Variants in FAM168B observed in about 807,000 individuals in gnomAD.
FAM168B encodes the protein family with sequence similarity 168 member B.
Under a neutral mutation model 21.8 loss-of-function variants are expected in FAM168B, and 19 were observed. That is an observed-to-expected ratio of 0.87 (90% CI 0.61 to 1.28). The LOEUF is 1.28. FAM168B is among the 50% of genes most tolerant of loss of function. The probability of loss-of-function intolerance (pLI) is 0.00; values close to 1 mark genes in which losing one functional copy is unlikely to be tolerated. For missense variants in FAM168B, 233 were observed against 263.1 expected, an observed-to-expected ratio of 0.89 and a Z score of 0.79; for synonymous variants, 126 against 104.8, an observed-to-expected ratio of 1.20 and a Z score of -1.24.
At chr2:131,068,293 G>A (rs964035802) in intron 3 of FAM168B, among the ~76,000 whole-genome samples, 3 of 152,120 alleles carry the variant, frequency 2.0e-5, no homozygotes, top group Admixed American at 6.5e-5. Context: ...TGAACAGCTG[G>A]GACTACAAGT....
Position 131,052,040 on chromosome 2 carries a change from ATACAT to A in FAM168B, c.*420_*424del, listed in dbSNP as rs1158003036. On this transcript the variant is annotated 3_prime_UTR_variant, in exon 7 of 7. Coordinates refer to ENST00000389915, the MANE Select transcript of FAM168B (RefSeq NM_001009993.4). ...AACACTTATAACTGTAAGACTTTGC[ATACAT>A]TACAACAGTGCATTAGTGATACAAG... The A allele has an allele frequency of 1.0e-6, 1 of 985,648 alleles. No individual in the cohort carries two copies. Among genetic ancestry groups the A allele is most frequent in the Admixed American group, 6.1e-5 (1 of 16,274 alleles). 61.1% of individuals were successfully genotyped at this position (985,648 alleles called of 1,614,324 possible). A position where few individuals can be genotyped will look rare whatever the true frequency, so the allele number is the denominator to read the frequency against.
rs778669080 is a variant in FAM168B, at chr2:131,055,517, AC to A, written c.297+35del. The A allele has an allele frequency of 5.0e-6, 8 of 1,597,592 alleles. No individual in the cohort carries two copies. The Admixed American group carries it at 1.5e-4, about 29-fold the overall frequency. On this transcript the variant is annotated intron_variant, in intron 4 of 6. Coordinates refer to ENST00000389915, the MANE Select transcript of FAM168B (RefSeq NM_001009993.4). Reference sequence around the variant, plus strand: ...AAAGGATGAACGCCCAGGTGGTATCACCCCTTCCCACACAGCAGTGTGTACC... The same window carrying A: ...AAAGGATGAACGCCCAGGTGGTATCACCCTTCCCACACAGCAGTGTGTACC...
At chr2:131,057,474 C>T (rs1164270985) in intron 3 of FAM168B, among the ~76,000 whole-genome samples, 1 of 152,126 alleles carries the variant, frequency 6.6e-6, no homozygotes, top group Admixed American at 6.5e-5. Context: ...TGACGGAAAT[C>T]AGAGGGGAGA....
At chr2:131,084,938 C>T (rs2105581669) in intron 1 of FAM168B, among the ~76,000 whole-genome samples, 1 of 152,212 alleles carries the variant, frequency 6.6e-6, no homozygotes, top group South Asian at 2.1e-4. Flanking sequence ...TGGTCTTGAA[C>T]TCCTGAGTTC....
intron 1 of FAM168B, 87 bp from the exon 2 acceptor site, chr2:131,082,744 G>GAAAGGACTCTAGC: frequency 2.6e-6 from 2 of 775,406 alleles, no homozygotes; most frequent in Non-Finnish European, 4.2e-6. Context: ...GGTAGCTAGA[G>GAAAGGACTCTAGC]TCCTTTCTCT....
chr2:131,092,740 C>T (rs906846061), intron 1 of FAM168B, among the ~76,000 whole-genome samples: 5 of 152,002 alleles, frequency 3.3e-5, no homozygotes, highest in Admixed American at 1.3e-4. Flanking sequence ...TGAAGGAAAT[C>T]TTAAAAATCT....
At chr2:131,052,528 A>G (rs772399277) in intron 6 of FAM168B, 76 bp from the exon 7 acceptor site, 179 of 1,006,718 alleles carry the variant, frequency 1.8e-4, no homozygotes, top group Admixed American at 2.1e-4. Context: ...AAGTAGGATG[A>G]GGCCCAGCAG....
chr2:131,052,339 G>T lies in FAM168B; in HGVS notation c.*126C>A. ...GGGCCTGCTGGGCCGGGATATAGTC[G>T]TGTTTAGCTAAGTGTCGAGAGCATT... On this transcript the variant is annotated 3_prime_UTR_variant, in exon 7 of 7. Coordinates refer to ENST00000389915, the MANE Select transcript of FAM168B (RefSeq NM_001009993.4). 2 of 986,158 alleles carry T rather than the reference G, an allele frequency of 2.0e-6. No individual in the cohort carries two copies. Among genetic ancestry groups the T allele is most frequent in the Non-Finnish European group, 2.4e-6 (2 of 830,156 alleles). The allele number at this position is 986,158 out of a possible 1,614,324, so 61.1% of individuals were successfully genotyped here.
rs1694143746 is a variant in FAM168B, at chr2:131,093,447, C to G, written c.-245G>C. ...GCTCCCCGCCGACGCTGCGCAGCCA[C>G]CGGAGCCGCCGACCTCACTTCCGCC... On this transcript the variant is annotated 5_prime_UTR_variant, in exon 1 of 7. Transcript: ENST00000389915. 6.6e-6 allele frequency: 1 copy of G among 151,294 alleles called. No homozygotes were observed. The highest frequency in any genetic ancestry group is 2.4e-5 in the African/African-American group (1 of 41,342). 9.4% of individuals were successfully genotyped at this position (151,294 alleles called of 1,614,324 possible).
intron 1 of FAM168B, among the ~76,000 whole-genome samples, chr2:131,085,890 A>C (rs1403130540): frequency 6.6e-6 from 1 of 152,220 alleles, no homozygotes; most frequent in African/African-American, 2.4e-5. Flanking sequence ...TGAGCATCTG[A>C]AAAGTAAGGC....
intron 1 of FAM168B, 116 bp downstream of exon 1, chr2:131,093,098 C>T (rs1310554504): frequency 6.6e-6 from 1 of 150,982 alleles, no homozygotes; most frequent in South Asian, 2.1e-4. Context: ...CAGGCCGGTC[C>T]AGACGCCCAG....
At chr2:131,090,930 CCAT>C in intron 1 of FAM168B, among the ~76,000 whole-genome samples, 1 of 152,276 alleles carries the variant, frequency 6.6e-6, no homozygotes, top group African/African-American at 2.4e-5. Flanking sequence ...TGGGGTTTCA[CCAT>C]GTTATCCAGG....
intron 1 of FAM168B, among the ~76,000 whole-genome samples, chr2:131,091,571 C>T (rs1185404003): frequency 1.3e-5 from 2 of 150,574 alleles, no homozygotes; most frequent in East Asian, 2.0e-4. Context: ...CCCTTGAGCC[C>T]GGGAGGCGGA....
chr2:131,078,572 T>C (rs940307758), intron 2 of FAM168B, among the ~76,000 whole-genome samples: 1 of 152,204 alleles, frequency 6.6e-6, no homozygotes, highest in Non-Finnish European at 1.5e-5. Flanking sequence ...CTGAACACTA[T>C]GCAAGGTAAA....
chr2:131,068,045 A>C (rs979732955), intron 3 of FAM168B, among the ~76,000 whole-genome samples: 7 of 152,192 alleles, frequency 4.6e-5, no homozygotes, highest in Admixed American at 4.6e-4. Context: ...ATCTCTTAAA[A>C]ACAAACACCC....
intron 2 of FAM168B, among the ~76,000 whole-genome samples, chr2:131,076,331 C>G (rs1027678660): frequency 6.6e-6 from 1 of 150,490 alleles, no homozygotes; most frequent in East Asian, 1.9e-4. Context: ...TACATCAAGG[C>G]ACCAGAGCGA....
Position 131,050,092 on chromosome 2 carries a change from G to A in FAM168B, c.*2373C>T, listed in dbSNP as rs1691562971. On this transcript the variant is annotated 3_prime_UTR_variant, in exon 7 of 7. Transcript: ENST00000389915. The stretch of plus-strand genomic sequence containing the variant: ...GGGAAAAAAGGTTAAGTTACAGGGA[G>A]GAAGAAAAGTGTTTATGAAGCTGAT... The A allele has an allele frequency of 1.0e-6, 1 of 985,448 alleles. No individual in the cohort carries two copies. The highest frequency in any genetic ancestry group is 1.7e-5 in the African/African-American group (1 of 57,358). The allele number at this position is 985,448 out of a possible 1,614,324, so 61.0% of individuals were successfully genotyped here.
At chr2:131,092,512 A>C (rs1311763550) in intron 1 of FAM168B, among the ~76,000 whole-genome samples, 1 of 152,250 alleles carries the variant, frequency 6.6e-6, no homozygotes, top group Admixed American at 6.5e-5. Flanking sequence ...GAAACTATAT[A>C]AACCTTTTTA....
chr2:131,056,986 C>T (rs1692059085), intron 3 of FAM168B, among the ~76,000 whole-genome samples: 1 of 152,282 alleles, frequency 6.6e-6, no homozygotes, highest in South Asian at 2.1e-4. Flanking sequence ...CTGTGTATGA[C>T]TGTCCAAACA....
Sources: allele counts gnomAD v4.1 joint callset (sites outside exome capture counted in the v4.1 genomes callset), GRCh38; gene constraint gnomAD v4.1.1; transcripts MANE v1.5; gene names NCBI Gene and HGNC (gene_info 2026-07-23, HGNC 2026-07-21).